RYR3: variants seen among roughly 807,000 people sequenced by gnomAD.
RYR3 encodes ryanodine receptor 3, also known as brain ryanodine receptor-calcium release channel.
Under a neutral mutation model 584.3 loss-of-function variants are expected in RYR3, and 207 were observed. The ratio of observed to expected loss-of-function variants is 0.35; its 90% confidence interval spans 0.32 to 0.40. The LOEUF is 0.40. RYR3 is among the 10% of genes least tolerant of loss of function. The pLI, the probability that RYR3 is intolerant of heterozygous loss-of-function variation, is 1.00. For synonymous variants in RYR3, 2,416 were observed against 2,248.5 expected, an observed-to-expected ratio of 1.07 and a Z score of -2.11; for missense variants, 5,616 against 6,089.2, an observed-to-expected ratio of 0.92 and a Z score of 2.59.
At chr15:33,403,236 G>A (rs965111994) in intron 1 of RYR3, among the ~76,000 whole-genome samples, 9 of 151,218 alleles carry the variant, frequency 6.0e-5, no homozygotes, top group African/African-American at 2.2e-4. Flanking sequence ...CCATGTATAG[G>A]TAGAAAATTA....
rs756696001 is a variant in RYR3, at chr15:33,662,256, G to A, written c.4726G>A (p.Val1576Met). Residue 1576 changes from valine to methionine, a missense_variant, in exon 35 of 104, where the codon GTG becomes ATG. Val to Met is a conservative substitution (Grantham distance 21). This residue lies in a region of RYR3 where 753 missense variants were observed against 741.0 expected (regional missense o/e 1.02). Transcript: ENST00000634891. ...GGTGTGCGCCCTGGGAAACAGCCGC[G>A]TGGCCTACGCCCTGTGCAGCCACGT... The part of the protein sequence containing the change: ...SAVCALGNSR[V>M]AYALCSHVDL... 8 of 1,610,118 alleles carry A rather than the reference G, an allele frequency of 5.0e-6. No homozygotes were observed. Among genetic ancestry groups the A allele is most frequent in the Middle Eastern group, 1.7e-4 (1 of 6,054 alleles).
chr15:33,563,604 A>G (rs1056413998), intron 11 of RYR3, among the ~76,000 whole-genome samples: 2 of 152,170 alleles, frequency 1.3e-5, no homozygotes, highest in Non-Finnish European at 1.5e-5. Flanking sequence ...TGGGAACCAA[A>G]TAATGGATGT....
chr15:33,450,087 T>TTAAAA (rs2046988874), intron 1 of RYR3, among the ~76,000 whole-genome samples: 1 of 67,340 alleles, frequency 1.5e-5, no homozygotes, highest in African/African-American at 5.5e-5. Flanking sequence ...CATTAATACC[T>TTAAAA]AAAAAAAAAA....
chr15:33,851,809 T>C (rs2079136086), intron 94 of RYR3: 1 of 152,180 alleles, frequency 6.6e-6, no homozygotes, highest in Non-Finnish European at 1.5e-5. Context: ...CATGGCTTGA[T>C]TTTTATTTGT....
chr15:33,562,958 C>T lies in RYR3; in HGVS notation c.1094C>T (p.Thr365Ile). The T allele has an allele frequency of 3.7e-6, 6 of 1,613,242 alleles. No homozygotes were observed. Among genetic ancestry groups the T allele is most frequent in the Non-Finnish European group, 5.1e-6 (6 of 1,179,562 alleles). Reference sequence around the variant, plus strand: ...CATATAGCCAGTGGTCTGTGGGTGACCTACAAAGCACAAGACGCCAAAACT... The same window carrying T: ...CATATAGCCAGTGGTCTGTGGGTGATCTACAAAGCACAAGACGCCAAAACT... ...VQHIASGLWV[T>I]YKAQDAKTSR... is the part of the protein sequence containing the mutation. The change falls in exon 11 of 104, where the codon ACC becomes ATC. Residue 365 changes from threonine to isoleucine, a missense_variant. Coordinates refer to ENST00000634891, the MANE Select transcript of RYR3 (RefSeq NM_001036.6).
chr15:33,849,683 G>GT (rs2078963266), intron 94 of RYR3: 2 of 152,186 alleles, frequency 1.3e-5, no homozygotes. Context: ...AAACTCTTAG[G>GT]TGTGCCAATT....
At chr15:33,515,596 C>T (rs1003202239) in intron 3 of RYR3, among the ~76,000 whole-genome samples, 11 of 152,216 alleles carry the variant, frequency 7.2e-5, no homozygotes, top group African/African-American at 2.7e-4. Context: ...ACCTAGGCCT[C>T]TGCTAATACT....
intron 32 of RYR3, among the ~76,000 whole-genome samples, chr15:33,657,413 G>C (rs1278353279): frequency 1.3e-5 from 2 of 152,248 alleles, no homozygotes; most frequent in East Asian, 3.8e-4. Flanking sequence ...TACTGGTCCA[G>C]ATGAAGTTTC....
intron 81 of RYR3, among the ~76,000 whole-genome samples, chr15:33,823,941 G>T (rs981643988): frequency 2.0e-5 from 3 of 152,072 alleles, no homozygotes; most frequent in African/African-American, 7.2e-5. Context: ...ATATTTCACT[G>T]GGTAAAATAT....
intron 1 of RYR3, among the ~76,000 whole-genome samples, chr15:33,389,481 T>A (rs891953413): frequency 6.6e-6 from 1 of 152,238 alleles, no homozygotes; most frequent in Non-Finnish European, 1.5e-5. Context: ...GACTGACTTT[T>A]CATTTAAAAT....
intron 19 of RYR3, among the ~76,000 whole-genome samples, chr15:33,623,278 C>A (rs2060817835): frequency 6.6e-6 from 1 of 152,202 alleles, no homozygotes; most frequent in South Asian, 2.1e-4. Context: ...ACCTCGCCAG[C>A]CATGTACCAT....
chr15:33,392,147 T>G (rs1401432633), intron 1 of RYR3, among the ~76,000 whole-genome samples: 1 of 151,160 alleles, frequency 6.6e-6, no homozygotes, highest in African/African-American at 2.4e-5. Flanking sequence ...TCCATCTTCT[T>G]AATTGTTGCA....
intron 27 of RYR3, among the ~76,000 whole-genome samples, chr15:33,642,312 C>A (rs889972205): frequency 1.3e-5 from 2 of 152,200 alleles, no homozygotes; most frequent in African/African-American, 4.8e-5. Context: ...GAGAGGTTTT[C>A]TTAAGCTGTC....
At chr15:33,552,651 T>C (rs2056771485) in intron 10 of RYR3, among the ~76,000 whole-genome samples, 1 of 152,212 alleles carries the variant, frequency 6.6e-6, no homozygotes, top group Non-Finnish European at 1.5e-5. Context: ...CAGGCCAAGA[T>C]ATGGCTGTGT....
intron 2 of RYR3, among the ~76,000 whole-genome samples, chr15:33,495,121 TGA>T (rs2051302564): frequency 1.3e-5 from 2 of 152,226 alleles, no homozygotes; most frequent in Non-Finnish European, 2.9e-5. Flanking sequence ...TCTTGAGCCC[TGA>T]TAGTCCCAGT....
At chr15:33,692,703 G>A (rs1293722228) in intron 38 of RYR3, among the ~76,000 whole-genome samples, 1 of 149,946 alleles carries the variant, frequency 6.7e-6, no homozygotes, top group Admixed American at 6.7e-5. Flanking sequence ...TTGAAGGCTT[G>A]CCTGGACAAA....
chr15:33,334,053 C>T (rs1243360917), intron 1 of RYR3, among the ~76,000 whole-genome samples: 1 of 152,206 alleles, frequency 6.6e-6, no homozygotes, highest in African/African-American at 2.4e-5. Context: ...AATGGAAAAA[C>T]ATTCCATGCT....
intron 34 of RYR3, 80 bp downstream of exon 34, chr15:33,660,503 G>A: frequency 1.0e-6 from 1 of 958,552 alleles, no homozygotes; most frequent in South Asian, 1.7e-5. Context: ...AAGGAAACCA[G>A]GAGCATCTGT....
At chr15:33,701,410 AC>A (rs1162432229) in intron 42 of RYR3, among the ~76,000 whole-genome samples, 1 of 152,192 alleles carries the variant, frequency 6.6e-6, no homozygotes, top group African/African-American at 2.4e-5. Flanking sequence ...TTATAAATCT[AC>A]CTATGGAAGG....
Sources: gnomAD v4.1 joint callset for allele counts (sites outside exome capture counted in the v4.1 genomes callset) on GRCh38, gnomAD v4.1.1 for gene constraint, gnomAD v4.1.1 regional missense constraint, MANE v1.5 for transcripts, NCBI Gene and HGNC (gene_info 2026-07-23, HGNC 2026-07-21) for gene names.